Variants in NWD2 observed in about 807,000 individuals in gnomAD.
NWD2 encodes NACHT and WD repeat domain-containing protein 2.
A neutral mutation model predicts 132.7 loss-of-function variants in NWD2; 37 were observed. The ratio of observed to expected loss-of-function variants is 0.28; its 90% confidence interval spans 0.21 to 0.37. The LOEUF is 0.37. Among genes scored for constraint, NWD2 ranks in the 10% least tolerant of loss-of-function variants. The pLI is 1.00. For missense variants in NWD2, 1,592 were observed against 2,122.4 expected, an observed-to-expected ratio of 0.75 and a Z score of 4.91; for synonymous variants, 705 against 803.0, an observed-to-expected ratio of 0.88 and a Z score of 2.06.
intron 3 of NWD2, among the ~76,000 whole-genome samples, chr4:37,380,192 T>C (rs1392403169): frequency 6.6e-6 from 1 of 152,248 alleles, no homozygotes; most frequent in African/African-American, 2.4e-5. Flanking sequence ...CCAGGGCTAC[T>C]AGGCTAGAAA....
intron 1 of NWD2, among the ~76,000 whole-genome samples, chr4:37,258,395 G>A (rs1717562174): frequency 6.6e-6 from 1 of 152,208 alleles, no homozygotes; most frequent in Admixed American, 6.5e-5. Flanking sequence ...GCAGATGTTT[G>A]GAGTTGGAGG....
chr4:37,333,133 C>T (rs11729824), intron 2 of NWD2, among the ~76,000 whole-genome samples: 33,038 of 152,060 alleles, frequency 0.22, 4,711 homozygotes, highest in Middle Eastern at 0.41. Flanking sequence ...TCATGAAGGG[C>T]GTCTCTGAAC....
intron 1 of NWD2, among the ~76,000 whole-genome samples, chr4:37,310,608 G>T (rs1718818004): frequency 6.6e-6 from 1 of 151,950 alleles, no homozygotes; most frequent in South Asian, 2.1e-4. Flanking sequence ...ATATCTTGAA[G>T]CATGGTGCTA....
intron 2 of NWD2, among the ~76,000 whole-genome samples, chr4:37,330,717 G>A (rs1166345912): frequency 6.6e-6 from 1 of 152,166 alleles, no homozygotes; most frequent in Non-Finnish European, 1.5e-5. Context: ...AACAGAGCTT[G>A]GCATTTAGTG....
At chr4:37,309,790 A>G (rs893168455) in intron 1 of NWD2, among the ~76,000 whole-genome samples, 19 of 152,076 alleles carry the variant, frequency 1.2e-4, no homozygotes, top group Non-Finnish European at 2.1e-4. Flanking sequence ...TTCCTTCTCT[A>G]TGCTACCTTC....
At chr4:37,268,553 C>A (rs142784971) in intron 1 of NWD2, among the ~76,000 whole-genome samples, 1 of 151,766 alleles carries the variant, frequency 6.6e-6, no homozygotes, top group South Asian at 2.1e-4. Context: ...AGTTAATATG[C>A]GGTTATCACA....
intron 1 of NWD2, among the ~76,000 whole-genome samples, chr4:37,255,232 T>A (rs1717491293): frequency 6.6e-6 from 1 of 152,214 alleles, no homozygotes. Flanking sequence ...ATGTTTACAT[T>A]CAAAGGCTGA....
At chr4:37,367,439 A>C (rs555439256) in intron 3 of NWD2, among the ~76,000 whole-genome samples, 72 of 152,270 alleles carry the variant, frequency 4.7e-4, no homozygotes, top group African/African-American at 1.7e-3. Flanking sequence ...TTAATGATTT[A>C]AGTGTCAATC....
At chr4:37,336,342 C>G (rs1387111274) in intron 2 of NWD2, among the ~76,000 whole-genome samples, 1 of 152,098 alleles carries the variant, frequency 6.6e-6, no homozygotes, top group Non-Finnish European at 1.5e-5. Context: ...TGTTTTTATC[C>G]TGAGTTTCTA....
At chr4:37,416,038 G>A (rs938215291) in intron 3 of NWD2, among the ~76,000 whole-genome samples, 1 of 152,208 alleles carries the variant, frequency 6.6e-6, no homozygotes, top group Non-Finnish European at 1.5e-5. Context: ...TCCAAGCATG[G>A]CTGAAAGGCC....
rs1468467363 is a variant in NWD2, at chr4:37,447,890, G to A, written c.*673G>A. On this transcript the variant is annotated 3_prime_UTR_variant, in exon 7 of 7. Coordinates refer to ENST00000309447, the MANE Select transcript of NWD2 (RefSeq NM_001144990.2). ...GACAGTTGCAACAATTGCATGCGAG[G>A]GTTTCTGTATAACAGAATATATGAT... 6.6e-6 allele frequency: 1 copy of A among 152,112 alleles called. No homozygotes were observed. The highest frequency in any genetic ancestry group is 1.9e-4 in the East Asian group (1 of 5,196). 9.4% of individuals were successfully genotyped at this position (152,112 alleles called of 1,614,324 possible).
chr4:37,297,416 TG>T (rs1344571119), intron 1 of NWD2, among the ~76,000 whole-genome samples: 1 of 152,220 alleles, frequency 6.6e-6, no homozygotes, highest in Non-Finnish European at 1.5e-5. Context: ...CCTGCCGATA[TG>T]GAAGACTGAC....
intron 3 of NWD2, among the ~76,000 whole-genome samples, chr4:37,395,061 C>T (rs1401219052): frequency 6.6e-6 from 1 of 151,784 alleles, no homozygotes; most frequent in Non-Finnish European, 1.5e-5. Context: ...GATCCACCCG[C>T]CCCCCAATCC....
intron 1 of NWD2, among the ~76,000 whole-genome samples, chr4:37,294,253 T>A (rs1240722739): frequency 1.3e-5 from 2 of 152,228 alleles, no homozygotes; most frequent in East Asian, 3.8e-4. Flanking sequence ...TTAGGGTTAC[T>A]GTCTGGACAT....
At chr4:37,333,078 A>G (rs1036694551) in intron 2 of NWD2, among the ~76,000 whole-genome samples, 2 of 152,170 alleles carry the variant, frequency 1.3e-5, no homozygotes, top group Non-Finnish European at 2.9e-5. Flanking sequence ...ACAGTAGAAT[A>G]GAAGATCAGG....
At position 37,274,130 on chromosome 4, in the gene NWD2, A is replaced by G. The variant is rs1383176769; in HGVS notation, c.151+28912A>G. On this transcript the variant is annotated intron_variant, in intron 1 of 6. Transcript: ENST00000309447. ...ACACAAAAAACCCTTCAAAAAATCA[A>G]TGAATCCAGGAGCTGTTTTTTCTTA... is the stretch of plus-strand genomic sequence containing the variant. 5.9e-5 allele frequency among the ~76,000 whole-genome samples: 9 copies of G among 152,278 alleles called. No homozygotes were observed. The East Asian group carries it at 1.5e-3, about 26-fold the overall frequency.
chr4:37,266,763 G>A (rs1717760171), intron 1 of NWD2, among the ~76,000 whole-genome samples: 1 of 151,694 alleles, frequency 6.6e-6, no homozygotes, highest in African/African-American at 2.4e-5. Context: ...TTTTCTTGCT[G>A]ACATACTGAG....
At chr4:37,377,987 C>T (rs1164419397) in intron 3 of NWD2, among the ~76,000 whole-genome samples, 1 of 151,978 alleles carries the variant, frequency 6.6e-6, no homozygotes, top group Admixed American at 6.6e-5. Context: ...CATAGCAAAA[C>T]AGTACGTTGT....
intron 3 of NWD2, among the ~76,000 whole-genome samples, chr4:37,428,675 C>A (rs1383264412): frequency 6.6e-6 from 1 of 152,184 alleles, no homozygotes; most frequent in South Asian, 2.1e-4. Flanking sequence ...GAACTACTGG[C>A]GTAAGCAGAC....
Sources: allele counts gnomAD v4.1 joint callset (sites outside exome capture counted in the v4.1 genomes callset), GRCh38; gene constraint gnomAD v4.1.1; transcripts MANE v1.5; gene names NCBI Gene and HGNC (gene_info 2026-07-23, HGNC 2026-07-21).